The following CDH13 variants were observed in gnomAD, a reference collection of about 807,000 sequenced individuals.
The protein encoded by CDH13 is cadherin-13.
CDH13 carries 24 observed loss-of-function variants against 63.8 expected under a neutral mutation model. The observed-to-expected ratio is 0.38, with a 90% CI of 0.27 to 0.53. CDH13 has a LOEUF of 0.53. CDH13 is among the 20% of genes least tolerant of loss of function. The probability of loss-of-function intolerance (pLI) is 0.85; values close to 1 mark genes in which losing one functional copy is unlikely to be tolerated. For synonymous variants in CDH13, 503 were observed against 355.3 expected (o/e 1.42, Z -4.67); for missense variants, 1,049 against 903.1 (o/e 1.16, Z -2.07).
At chr16:83,262,504 T>C (rs549485619) in intron 5 of CDH13, among the ~76,000 whole-genome samples, 1 of 152,334 alleles carries the variant, frequency 6.6e-6, no homozygotes, top group African/African-American at 2.4e-5. Flanking sequence ...TTTCTAATTA[T>C]ACCGTGAGCC....
chr16:83,210,456 G>T (rs896121683), intron 4 of CDH13, among the ~76,000 whole-genome samples: 4 of 152,088 alleles, frequency 2.6e-5, no homozygotes, highest in African/African-American at 9.7e-5. Flanking sequence ...CAGGAGATGG[G>T]ATAAAAGAGA....
intron 2 of CDH13, among the ~76,000 whole-genome samples, chr16:83,016,606 C>T (rs549858220): frequency 5.5e-4 from 84 of 152,246 alleles, no homozygotes; most frequent in African/African-American, 1.9e-3. Flanking sequence ...ATCAAGCCAC[C>T]AACCTTGTCA....
At chr16:82,742,832 A>G (rs1347501220) in intron 1 of CDH13, among the ~76,000 whole-genome samples, 6 of 152,222 alleles carry the variant, frequency 3.9e-5, no homozygotes, top group Non-Finnish European at 8.8e-5. Flanking sequence ...GCTGGTGGCA[A>G]CCTATACATC....
chr16:83,068,002 G>C (rs1021579794), intron 3 of CDH13, among the ~76,000 whole-genome samples: 5 of 152,156 alleles, frequency 3.3e-5, no homozygotes, highest in Admixed American at 1.3e-4. Context: ...AGCATGATCA[G>C]TTCATCATCT....
In CDH13 at chr16:82,759,798, A is replaced by G. The variant is rs189754602; in HGVS notation, c.46-98564A>G. 2.4e-3 allele frequency among the ~76,000 whole-genome samples: 363 copies of G among 152,214 alleles called. 1 individual carries two copies. The highest frequency in any genetic ancestry group is 8.4e-3 in the African/African-American group (351 of 41,542). On this transcript the variant is annotated intron_variant, in intron 1 of 13. Transcript: ENST00000567109. ...ACTCACTTGCCAAATCCTCTGTCTTAGAAGTGCTTATTGAGTAATTCTCCC... is the reference window on the plus strand; with the variant it reads ...ACTCACTTGCCAAATCCTCTGTCTTGGAAGTGCTTATTGAGTAATTCTCCC...
chr16:83,003,182 G>A (rs1913116871), intron 2 of CDH13, among the ~76,000 whole-genome samples: 1 of 152,132 alleles, frequency 6.6e-6, no homozygotes, highest in Non-Finnish European at 1.5e-5. Flanking sequence ...CCATATGACA[G>A]TCTTGATAAG....
intron 3 of CDH13, among the ~76,000 whole-genome samples, chr16:83,112,771 T>C (rs1367255382): frequency 6.6e-6 from 1 of 152,226 alleles, no homozygotes; most frequent in Admixed American, 6.5e-5. Context: ...CTGTACCTTT[T>C]TCTTTAGCAT....
intron 5 of CDH13, among the ~76,000 whole-genome samples, chr16:83,280,490 T>G (rs2089136794): frequency 6.6e-6 from 1 of 152,226 alleles, no homozygotes; most frequent in Non-Finnish European, 1.5e-5. Flanking sequence ...TCCACTGAAG[T>G]CTTGAGCCCC....
At chr16:83,714,419 AG>A (rs1567542477) in intron 10 of CDH13, among the ~76,000 whole-genome samples, 1 of 152,200 alleles carries the variant, frequency 6.6e-6, no homozygotes, top group Non-Finnish European at 1.5e-5. Flanking sequence ...CCGCATACCT[AG>A]CTATGCTGCC....
At chr16:83,060,458 T>C (rs1172851432) in intron 3 of CDH13, among the ~76,000 whole-genome samples, 1 of 152,188 alleles carries the variant, frequency 6.6e-6, no homozygotes, top group Non-Finnish European at 1.5e-5. Flanking sequence ...TTCCTGATGT[T>C]TACTGAGCCC....
At chr16:82,927,774 C>A (rs1403710379) in intron 2 of CDH13, among the ~76,000 whole-genome samples, 1 of 152,210 alleles carries the variant, frequency 6.6e-6, no homozygotes, top group Non-Finnish European at 1.5e-5. Context: ...CAGTCCTCAG[C>A]CCAGGCACCC....
intron 5 of CDH13, among the ~76,000 whole-genome samples, chr16:83,342,880 G>A (rs1242629202): frequency 1.2e-5 from 1 of 85,296 alleles, no homozygotes; most frequent in Non-Finnish European, 2.1e-5. Flanking sequence ...TTGAGTTAAA[G>A]TCAAGTCCTT....
chr16:83,632,927 C>A (rs1910912282), intron 8 of CDH13, among the ~76,000 whole-genome samples: 2 of 151,552 alleles, frequency 1.3e-5, no homozygotes, highest in South Asian at 4.2e-4. Flanking sequence ...GTTTCTCCCC[C>A]TTTTAGACCA....
chr16:82,924,155 T>G (rs1483421218), intron 2 of CDH13, among the ~76,000 whole-genome samples: 1 of 152,244 alleles, frequency 6.6e-6, no homozygotes, highest in Non-Finnish European at 1.5e-5. Context: ...AAACTAGTTA[T>G]ACATTGCTTT....
At chr16:83,653,065 C>T (rs761044384) in intron 8 of CDH13, among the ~76,000 whole-genome samples, 6 of 152,178 alleles carry the variant, frequency 3.9e-5, no homozygotes, top group Non-Finnish European at 5.9e-5. Context: ...CCATATATTG[C>T]GCAATTCCAT....
chr16:83,173,070 C>A (rs1231763246), intron 4 of CDH13, among the ~76,000 whole-genome samples: 5 of 152,088 alleles, frequency 3.3e-5, no homozygotes, highest in Non-Finnish European at 5.9e-5. Flanking sequence ...ACTATTTAAA[C>A]TAATATTCAC....
intron 8 of CDH13, among the ~76,000 whole-genome samples, chr16:83,622,904 T>C (rs2150780440): frequency 6.6e-6 from 1 of 152,250 alleles, no homozygotes; most frequent in South Asian, 2.1e-4. Flanking sequence ...GAGATTGAAA[T>C]AAGGCAGCAA....
At chr16:83,170,880 A>T (rs969569802) in intron 4 of CDH13, among the ~76,000 whole-genome samples, 1 of 151,768 alleles carries the variant, frequency 6.6e-6, no homozygotes, top group African/African-American at 2.4e-5. Flanking sequence ...GAGAGAAGAG[A>T]TCCAGCATCA....
intron 2 of CDH13, among the ~76,000 whole-genome samples, chr16:82,942,669 T>A (rs1350783667): frequency 6.6e-6 from 1 of 152,102 alleles, no homozygotes; most frequent in Non-Finnish European, 1.5e-5. Flanking sequence ...CTGGAATAGA[T>A]AACAACAATA....
Sources: gnomAD v4.1 joint callset for allele counts (sites outside exome capture counted in the v4.1 genomes callset) on GRCh38, gnomAD v4.1.1 for gene constraint, MANE v1.5 for transcripts, NCBI Gene and HGNC (gene_info 2026-07-23, HGNC 2026-07-21) for gene names.